APOL3: variants seen among roughly 807,000 people sequenced by gnomAD.
The protein encoded by APOL3 is apolipoprotein L3, also known as TNF-inducible protein CG12-1.
Under a neutral mutation model 11.6 loss-of-function variants are expected in APOL3, and 14 were observed. The ratio of observed to expected loss-of-function variants is 1.21; its 90% CI spans 0.80 to 1.89. The LOEUF (loss-of-function observed/expected upper bound fraction) is 1.89, where lower values mean the gene tolerates loss of function less well. Among genes scored for constraint, APOL3 ranks in the 40% most tolerant of loss-of-function variants. The probability of loss-of-function intolerance (pLI) is 0.00; values close to 1 mark genes in which losing one functional copy is unlikely to be tolerated. For synonymous variants in APOL3, 192 were observed against 190.6 expected, an observed-to-expected ratio of 1.01 and a Z score of -0.06; for missense variants, 483 against 492.1, an observed-to-expected ratio of 0.98 and a Z score of 0.17.
At chr22:36,141,263 C>T in exon 3 of APOL3, 2 of 1,614,162 alleles carry the variant, frequency 1.2e-6, no homozygotes, top group East Asian at 2.2e-5. Context: ...GATTCTCCTC[C>T]AGCTCCTGAG....
upstream of APOL3, among the ~76,000 whole-genome samples, chr22:36,161,829 A>G (rs2013714298): frequency 6.8e-6 from 1 of 147,932 alleles, no homozygotes; most frequent in South Asian, 2.2e-4. Flanking sequence ...CTCTGAGTTT[A>G]TTAGGTAAAA....
upstream of APOL3, among the ~76,000 whole-genome samples, chr22:36,162,566 C>T (rs1394745081): frequency 2.0e-5 from 3 of 152,298 alleles, no homozygotes; most frequent in Middle Eastern, 3.4e-3. Flanking sequence ...CTCCACAAAC[C>T]GCACAGAAGC....
intron 1 of APOL3, among the ~76,000 whole-genome samples, chr22:36,158,276 T>C (rs964970432): frequency 1.3e-5 from 2 of 152,144 alleles, no homozygotes; most frequent in Non-Finnish European, 2.9e-5. Context: ...CCCTTCACTG[T>C]TGATGGAGTG....
At position 36,150,144 on chromosome 22, in the gene APOL3, C is replaced by T. The variant is rs144346727; in HGVS notation, c.224-4545G>A. 2.9e-3 allele frequency among the ~76,000 whole-genome samples: 449 copies of T among 152,218 alleles called. 3 individuals carry two copies. Among genetic ancestry groups the T allele is most frequent in the African/African-American group, 0.01 (436 of 41,530 alleles). On this transcript the variant is annotated intron_variant, in intron 1 of 2. Coordinates refer to ENST00000349314, the Ensembl canonical transcript of APOL3. ...ATGCTGATCTTTATACAGAGAAACA[C>T]TCTTCACATTCTGCTTGTGATGATC...
rs1435769177 is a variant in APOL3 at position 36,160,774 on chromosome 22, GGC to G, written c.116_117del (p.Ser39ThrfsTer36). On this transcript the variant is annotated frameshift_variant, in exon 1 of 3. Coordinates refer to ENST00000349314, the Ensembl canonical transcript of APOL3. LOFTEE classifies it high-confidence loss of function. The stretch of plus-strand genomic sequence containing the variant: ...GCATAATAACCAGACACGTTCTCCA[GGC>G]TCTGAGATATACCCTGGAACCCAAA... 7.4e-6 allele frequency: 12 copies of G among 1,613,986 alleles called. No homozygotes were observed. The highest frequency in any genetic ancestry group is 9.3e-6 in the Non-Finnish European group (11 of 1,180,026).
chr22:36,164,623 C>T (rs1569530178), upstream of APOL3: 2 of 152,214 alleles, frequency 1.3e-5, no homozygotes, highest in African/African-American at 4.8e-5. Flanking sequence ...GTGTTTTATT[C>T]ATTTCCCAAG....
exon 3 of APOL3, chr22:36,141,759 A>C: frequency 6.2e-7 from 1 of 1,614,194 alleles, no homozygotes; most frequent in Non-Finnish European, 8.5e-7. Flanking sequence ...AGTAAGGGCC[A>C]GACTCGTCCC....
rs2060007588 is a variant in APOL3, at chr22:36,141,822, G to GC, written c.586dup (p.Ala196GlyfsTer56). On this transcript the variant is annotated frameshift_variant, in exon 3 of 3. Coordinates refer to ENST00000349314, the Ensembl canonical transcript of APOL3. LOFTEE classifies it low-confidence loss of function (END_TRUNC). ...AGCAAGGGACATGATGCCAGAGGCA[G>GC]CGCCAGTGGAGCTGGACACCACATT... 1 of 1,614,126 alleles carries GC rather than the reference G, an allele frequency of 6.2e-7. No homozygotes were observed. The highest frequency in any genetic ancestry group is 1.7e-5 in the Admixed American group (1 of 60,010).
chr22:36,141,597 C>G (rs200732493), exon 3 of APOL3: 8 of 1,614,074 alleles, frequency 5.0e-6, no homozygotes, highest in Non-Finnish European at 6.8e-6. Flanking sequence ...TGTGATGTCA[C>G]GCATAACTTC....
At chr22:36,157,364 T>C (rs1389106167) in intron 1 of APOL3, among the ~76,000 whole-genome samples, 2 of 152,182 alleles carry the variant, frequency 1.3e-5, no homozygotes, top group African/African-American at 4.8e-5. Context: ...CACAAAAAAG[T>C]CTTGTTCTTC....
chr22:36,150,531 C>T (rs1013487846), intron 1 of APOL3, among the ~76,000 whole-genome samples: 4 of 152,208 alleles, frequency 2.6e-5, no homozygotes, highest in Admixed American at 6.5e-5. Context: ...CCCAACCAGA[C>T]GGACTCAAGA....
intron 1 of APOL3, chr22:36,156,714 T>A (rs529784653): frequency 6.9e-6 from 2 of 291,294 alleles, no homozygotes; most frequent in East Asian, 1.6e-4. Flanking sequence ...CTCCCCAGGC[T>A]CCCTGAGCAC....
At chr22:36,142,761 T>C (rs1424521400) in intron 2 of APOL3, among the ~76,000 whole-genome samples, 1 of 152,160 alleles carries the variant, frequency 6.6e-6, no homozygotes, top group Admixed American at 6.5e-5. Context: ...GAGGCATAGG[T>C]TGAGAAAGAC....
Position 36,141,539 on chromosome 22 carries a change from G to T in APOL3, c.870C>A (p.Thr290=), listed in dbSNP as rs190228713. 1.4e-5 allele frequency: 23 copies of T among 1,614,184 alleles called. No individual in the cohort carries two copies. The Admixed American group carries it at 3.8e-4, about 27-fold the overall frequency. Reference sequence around the variant, plus strand: ...TGATGGCACGGATTTCACTCCCAATGGTTTGTGTGGCTTCGTAATAATTAT... The same window carrying T: ...TGATGGCACGGATTTCACTCCCAATTGTTTGTGTGGCTTCGTAATAATTAT... Residue 290 remains threonine (T), a synonymous_variant, in exon 3 of 3, where the codon ACC becomes ACA. Transcript: ENST00000349314.
Position 36,149,269 on chromosome 22 carries a change from G to GT in APOL3, c.224-3671dup, listed in dbSNP as rs2060338907. 3.1e-6 allele frequency: 4 copies of GT among 1,305,562 alleles called. No homozygotes were observed. In the South Asian group the frequency reaches 4.9e-5, roughly 16 times the overall value. 80.9% of individuals were successfully genotyped at this position (1,305,562 alleles called of 1,614,324 possible). A position where few individuals can be genotyped will look rare whatever the true frequency, so the allele number is the denominator to read the frequency against. ...AATGCCAAGACCAACCTAGCCCGGT[G>GT]TTTTTTAATCTCCTGGGCCCCAGCC... On this transcript the variant is annotated intron_variant, in intron 1 of 2. Transcript: ENST00000349314.
chr22:36,141,818 G>C (rs780544573), exon 3 of APOL3: 2 of 1,614,236 alleles, frequency 1.2e-6, no homozygotes, highest in Non-Finnish European at 1.7e-6. Context: ...TGATGCCAGA[G>C]GCAGCGCCAG....
chr22:36,141,747 G>A, exon 3 of APOL3: 1 of 1,614,084 alleles, frequency 6.2e-7, no homozygotes, highest in Non-Finnish European at 8.5e-7. Flanking sequence ...TACCCCAGCT[G>A]CAGTAAGGGC....
upstream of APOL3, chr22:36,161,074 C>A (rs1367721438): frequency 2.1e-5 from 13 of 615,452 alleles, no homozygotes; most frequent in East Asian, 3.3e-4. Flanking sequence ...CCCCCAATAA[C>A]ACCACACTCC....
At chr22:36,156,260 C>T (rs551281008) in intron 1 of APOL3, among the ~76,000 whole-genome samples, 9 of 152,192 alleles carry the variant, frequency 5.9e-5, no homozygotes, top group South Asian at 2.1e-4. Flanking sequence ...GTCAGTCAAT[C>T]TTTTTATTTT....
Sources: gnomAD v4.1 joint callset for allele counts (sites outside exome capture counted in the v4.1 genomes callset) on GRCh38, gnomAD v4.1.1 for gene constraint, MANE v1.5 for transcripts, NCBI Gene and HGNC (gene_info 2026-07-23, HGNC 2026-07-21) for gene names.